NR5A1: variants seen among roughly 807,000 people sequenced by gnomAD.
NR5A1 encodes the protein nuclear receptor subfamily 5 group A member 1.
Under a neutral mutation model 42.7 loss-of-function variants are expected in NR5A1, and 6 were observed. The ratio of observed to expected loss-of-function variants is 0.14; its 90% CI spans 0.08 to 0.28. NR5A1 has a LOEUF of 0.28. NR5A1 is among the 10% of genes least tolerant of loss of function. The pLI, the probability that NR5A1 is intolerant of heterozygous loss-of-function variation, is 1.00. For missense variants in NR5A1, 442 were observed against 626.4 expected (o/e 0.71, Z 3.14); for synonymous variants, 274 against 277.5 (o/e 0.99, Z 0.12).
chr9:124,497,326 C>A (rs971338762), intron 4 of NR5A1, among the ~76,000 whole-genome samples: 19 of 152,194 alleles, frequency 1.2e-4, no homozygotes, highest in Non-Finnish European at 2.2e-4. Flanking sequence ...AGTGACAGAG[C>A]TGGAACTTGA....
intron 6 of NR5A1, among the ~76,000 whole-genome samples, chr9:124,483,991 T>C (rs1323908542): frequency 2.6e-5 from 4 of 152,166 alleles, no homozygotes; most frequent in Non-Finnish European, 4.4e-5. Context: ...CAGAAGGCAT[T>C]TACTATGCCT....
chr9:124,486,085 G>A (rs1030587443), intron 6 of NR5A1, among the ~76,000 whole-genome samples: 9 of 152,138 alleles, frequency 5.9e-5, no homozygotes, highest in South Asian at 2.1e-4. Flanking sequence ...GCAGCACTGC[G>A]CCAGGGACAC....
intron 1 of NR5A1, among the ~76,000 whole-genome samples, chr9:124,504,024 C>CAGAGAGAGAG (rs150663190): frequency 5.7e-5 from 6 of 105,910 alleles, no homozygotes; most frequent in African/African-American, 2.4e-4. Flanking sequence ...GACAGGGAGA[C>CAGAGAGAGAG]AGAGAGAGAG....
At chr9:124,494,093 GC>G (rs1369095000) in intron 4 of NR5A1, among the ~76,000 whole-genome samples, 1 of 152,210 alleles carries the variant, frequency 6.6e-6, no homozygotes, top group East Asian at 1.9e-4. Flanking sequence ...CTGCAGATGG[GC>G]CTGGGCAGAC....
chr9:124,497,668 C>G (rs2131284300), intron 4 of NR5A1, among the ~76,000 whole-genome samples: 1 of 152,310 alleles, frequency 6.6e-6, no homozygotes, highest in South Asian at 2.1e-4. Flanking sequence ...GGAGCCCCAG[C>G]CAGCCCCGCA....
Position 124,493,018 on chromosome 9 carries a change from G to T in NR5A1, c.990+12C>A. 6.3e-7 allele frequency: 1 copy of T among 1,581,804 alleles called. No individual in the cohort carries two copies. Among genetic ancestry groups the T allele is most frequent in the Admixed American group, 1.8e-5 (1 of 56,928 alleles). On this transcript the variant is annotated intron_variant, in intron 5 of 6. Transcript: ENST00000373588. ...GGGCGGGGCCCAGGGGCGGGGCCGA[G>T]GGACTGGTCACCTCCTGCCCGGTGA...
chr9:124,487,023 G>A (rs926939484), intron 6 of NR5A1, among the ~76,000 whole-genome samples: 24 of 152,214 alleles, frequency 1.6e-4, no homozygotes, highest in Admixed American at 1.3e-3. Context: ...CTGGGCGCCC[G>A]AAGGTTGGAG....
intron 1 of NR5A1, among the ~76,000 whole-genome samples, chr9:124,506,671 C>T (rs1302221291): frequency 2.0e-5 from 3 of 152,198 alleles, no homozygotes; most frequent in African/African-American, 4.8e-5. Context: ...CTACTCTCAC[C>T]GGCTGGAAGC....
Position 124,497,103 on chromosome 9 carries a change from G to A in NR5A1, c.870+2987C>T, listed in dbSNP as rs1272857122. Among the ~76,000 whole-genome samples, 12 of 152,180 alleles carry A rather than the reference G, an allele frequency of 7.9e-5. No individual in the cohort carries two copies. In the South Asian group the frequency reaches 1.0e-3, roughly 13 times the overall value. On this transcript the variant is annotated intron_variant, in intron 4 of 6. Coordinates refer to ENST00000373588, the MANE Select transcript of NR5A1 (RefSeq NM_004959.5). ...CCAAGGCCTGCATAAGCCTGCAGGC[G>A]TCGATTAAACAGTGTAGCTAAGGGG...
At chr9:124,504,530 G>A (rs573565063) in intron 1 of NR5A1, among the ~76,000 whole-genome samples, 4 of 152,156 alleles carry the variant, frequency 2.6e-5, no homozygotes, top group Non-Finnish European at 5.9e-5. Context: ...GGGAGACCTC[G>A]GGCGGGGGTC....
In NR5A1 at chr9:124,493,015, C is replaced by G; in HGVS notation, c.990+15G>C. On this transcript the variant is annotated intron_variant, in intron 5 of 6. Transcript: ENST00000373588. The stretch of plus-strand genomic sequence containing the variant: ...CCAGGGCGGGGCCCAGGGGCGGGGC[C>G]GAGGGACTGGTCACCTCCTGCCCGG... The G allele has an allele frequency of 6.3e-7, 1 of 1,576,474 alleles. No individual in the cohort carries two copies. Among genetic ancestry groups the G allele is most frequent in the South Asian group, 1.1e-5 (1 of 87,514 alleles).
chr9:124,500,497 C>T lies in NR5A1; in HGVS notation c.463G>A (p.Gly155Ser), dbSNP rs376480904. ...TCGCCCAGTGGCCCAGCAGGTGGAC[C>T]GGCGGCCAGGCCCTTGGGCTCAGGC... ...HGPEPKGLAA[G>S]PPAGPLGDFG... Residue 155 changes from glycine (G) to serine (S), a missense_variant, in exon 4 of 7, where the codon GGT becomes AGT. Around this residue, in one of 3 missense-constraint regions of NR5A1, gnomAD observed 208 missense variants for 203.8 expected, o/e 1.02. Coordinates refer to ENST00000373588, the MANE Select transcript of NR5A1 (RefSeq NM_004959.5). The surrounding 1 kb of genome is among the most constrained non-coding windows in gnomAD (Gnocchi z 6.9). 42 of 1,603,654 alleles carry T rather than the reference C, an allele frequency of 2.6e-5. No homozygotes were observed. Among genetic ancestry groups the T allele is most frequent in the Admixed American group, 1.5e-4 (9 of 59,604 alleles).
chr9:124,504,052 C>CGA (rs887296282), intron 1 of NR5A1, among the ~76,000 whole-genome samples: 1,670 of 103,264 alleles, frequency 0.016, 54 homozygotes, highest in African/African-American at 0.049. Flanking sequence ...GAGAGAGAGA[C>CGA]GAGAGAGAGA....
intron 5 of NR5A1, among the ~76,000 whole-genome samples, chr9:124,492,447 A>G (rs1832329785): frequency 6.6e-6 from 1 of 151,528 alleles, no homozygotes; most frequent in South Asian, 2.1e-4. Context: ...CCAGATCCTC[A>G]TTCCCTGCTC....
chr9:124,482,461 A>T lies in NR5A1; in HGVS notation c.*297T>A, dbSNP rs1389629000. On this transcript the variant is annotated 3_prime_UTR_variant, in exon 7 of 7. Coordinates refer to ENST00000373588, the MANE Select transcript of NR5A1 (RefSeq NM_004959.5). ...ACCTGCAGGCTTCAGACTCCAGGAGAGAGAGCTGGGAGCAGGGAGGGGGCG... is the reference window on the plus strand; with the variant it reads ...ACCTGCAGGCTTCAGACTCCAGGAGTGAGAGCTGGGAGCAGGGAGGGGGCG... 1 of 445,650 alleles carries T rather than the reference A, an allele frequency of 2.2e-6. No homozygotes were observed. Among genetic ancestry groups the T allele is most frequent in the Non-Finnish European group, 4.2e-6 (1 of 240,124 alleles). The allele number at this position is 445,650 out of a possible 1,614,324, so 27.6% of individuals were successfully genotyped here.
Position 124,503,063 on chromosome 9 carries a change from C to T in NR5A1, c.244+16G>A. Reference sequence around the variant, plus strand: ...GGCTGTGGGGGGTCAGGGGTCGAGGCCCGCGCGGCGCGCACCTTCCAGGCG... The same window carrying T: ...GGCTGTGGGGGGTCAGGGGTCGAGGTCCGCGCGGCGCGCACCTTCCAGGCG... On this transcript the variant is annotated intron_variant, in intron 3 of 6. Transcript: ENST00000373588. This position sits in a 1 kb window ranked among gnomAD's most constrained non-coding sequence, Gnocchi z 9.6. 6.4e-7 allele frequency: 1 copy of T among 1,559,140 alleles called. No individual in the cohort carries two copies. Among genetic ancestry groups the T allele is most frequent in the Non-Finnish European group, 8.6e-7 (1 of 1,156,244 alleles).
At chr9:124,491,037 G>GGGGGGGGGCCCC in intron 6 of NR5A1, 44 bp downstream of exon 6, 6 of 302,890 alleles carry the variant, frequency 2.0e-5, no homozygotes, top group Non-Finnish European at 2.3e-5. Context: ...CCACCCACCC[G>GGGGGGGGGCCCC]CCTCTGGCTG....
chr9:124,500,197 G>A lies in NR5A1; in HGVS notation c.763C>T (p.Arg255Cys), dbSNP rs762769507. ...LGCLQEPTKS[R>C]PDQPAAFGLL... The stretch of plus-strand genomic sequence containing the variant: ...CCGAAGGCCGCCGGCTGGTCGGGGC[G>A]GCTTTTGGTGGGCTCCTGCAGGCAG... The change falls in exon 4 of 7, where the codon CGC becomes TGC. Residue 255 changes from arginine to cysteine, a missense_variant. By Grantham distance (180) the Arg-to-Cys change is radical. This residue lies in a region of NR5A1 where 208 missense variants were observed against 203.8 expected (regional missense o/e 1.02). Coordinates refer to ENST00000373588, the MANE Select transcript of NR5A1 (RefSeq NM_004959.5). The surrounding 1 kb of genome is among the most constrained non-coding windows in gnomAD (Gnocchi z 6.9). The A allele has an allele frequency of 3.6e-5, 58 of 1,609,742 alleles. 1 individual carries two copies. Among genetic ancestry groups the A allele is most frequent in the East Asian group, 2.9e-4 (13 of 44,792 alleles).
chr9:124,502,908 G>A (rs1016442444), intron 3 of NR5A1, among the ~76,000 whole-genome samples, 171 bp downstream of exon 3: 1 of 152,132 alleles, frequency 6.6e-6, no homozygotes, highest in Non-Finnish European at 1.5e-5. Context: ...TTCCCCGCCC[G>A]AGGCCCACCC....
Sources: gnomAD v4.1 joint callset for allele counts (sites outside exome capture counted in the v4.1 genomes callset) on GRCh38, gnomAD v4.1.1 for gene constraint, gnomAD v4.1.1 regional missense constraint, Gnocchi (gnomAD v3.1) non-coding constraint, MANE v1.5 for transcripts, NCBI Gene and HGNC (gene_info 2026-07-23, HGNC 2026-07-21) for gene names.